Variants in CUL2 observed in about 807,000 individuals in gnomAD.
CUL2 encodes the protein cullin-2.
CUL2 carries 22 observed loss-of-function variants against 110.2 expected under a neutral mutation model. The ratio of observed to expected loss-of-function variants is 0.20; its 90% CI spans 0.14 to 0.28. The LOEUF is 0.28. Ranked by LOEUF, CUL2 falls within the 10% of genes least tolerant of loss-of-function variation. The pLI is 1.00. For synonymous variants in CUL2, 279 were observed against 293.2 expected (o/e 0.95, Z 0.49); for missense variants, 631 against 905.5 (o/e 0.70, Z 3.89).
intron 2 of CUL2, among the ~76,000 whole-genome samples, chr10:35,099,869 GA>G (rs1193302533): frequency 3.9e-5 from 6 of 151,978 alleles, no homozygotes; most frequent in Non-Finnish European, 7.4e-5. Flanking sequence ...AAGAAAAAAA[GA>G]AAAAAATGGA....
chr10:35,029,128 G>T (rs559808140), intron 15 of CUL2, among the ~76,000 whole-genome samples: 2 of 149,802 alleles, frequency 1.3e-5, no homozygotes, highest in African/African-American at 4.9e-5. Context: ...CACGATCTCC[G>T]CTCACTGCAA....
chr10:35,087,643 G>A lies in CUL2; in HGVS notation c.-23+2536C>T, dbSNP rs138137356. On this transcript the variant is annotated intron_variant, in intron 1 of 20. Coordinates refer to ENST00000374749, the MANE Select transcript of CUL2 (RefSeq NM_003591.4). Reference sequence around the variant, plus strand: ...TACACAGCATCATCATCCTCCAGCAGAAGCCAAAAACCCAGAATTGACCCA... The same window carrying A: ...TACACAGCATCATCATCCTCCAGCAAAAGCCAAAAACCCAGAATTGACCCA... Among the ~76,000 whole-genome samples the A allele has an allele frequency of 3.1e-3, 476 of 152,246 alleles. 1 individual carries two copies. The highest frequency in any genetic ancestry group is 6.8e-3 in the Middle Eastern group (2 of 294).
chr10:35,039,125 T>C (rs1407686672), intron 8 of CUL2, 43 bp from the exon 9 acceptor site: 5 of 1,323,646 alleles, frequency 3.8e-6, no homozygotes, highest in East Asian at 2.6e-5. Context: ...AAAGTTTTAC[T>C]ATGAGGAAAA....
At chr10:35,114,977 C>T (rs532950778) in intron 1 of CUL2, among the ~76,000 whole-genome samples, 29 of 147,426 alleles carry the variant, frequency 2.0e-4, no homozygotes, top group Non-Finnish European at 3.8e-4. Flanking sequence ...TTTGGGAGGC[C>T]GAGGTGGGCA....
intron 9 of CUL2, 62 bp from the exon 10 acceptor site, chr10:35,035,358 T>C (rs555116239): frequency 2.4e-5 from 37 of 1,566,946 alleles, no homozygotes; most frequent in African/African-American, 2.3e-4. Flanking sequence ...AGGTAATATA[T>C]GGATCCAAGT....
chr10:35,035,439 A>G (rs563657543), intron 9 of CUL2, 143 bp from the exon 10 acceptor site: 2 of 724,498 alleles, frequency 2.8e-6, no homozygotes, highest in East Asian at 5.5e-5. Context: ...CCTCCCAGCC[A>G]CCCAAGCCCC....
At chr10:35,039,641 G>T (rs1408725729) in intron 8 of CUL2, among the ~76,000 whole-genome samples, 13 of 152,146 alleles carry the variant, frequency 8.5e-5, no homozygotes, top group Non-Finnish European at 1.3e-4. Flanking sequence ...AAGGCAGGTG[G>T]ATCATCTGAG....
At chr10:35,028,549 C>G (rs1239886000) in intron 16 of CUL2, among the ~76,000 whole-genome samples, 1 of 152,124 alleles carries the variant, frequency 6.6e-6, no homozygotes, top group Non-Finnish European at 1.5e-5. Flanking sequence ...TTTAAAACTG[C>G]TTAATAGCAG....
chr10:35,071,425 G>A (rs554518541), intron 1 of CUL2, 86 bp from the exon 2 acceptor site: 25 of 1,241,804 alleles, frequency 2.0e-5, no homozygotes, highest in African/African-American at 1.0e-4. Context: ...TTTGCTTTGA[G>A]ACGGAGTCTC....
chr10:35,116,859 A>T (rs1355882827), intron 1 of CUL2, among the ~76,000 whole-genome samples: 1 of 151,680 alleles, frequency 6.6e-6, no homozygotes, highest in Non-Finnish European at 1.5e-5. Flanking sequence ...CGGGAGGCTG[A>T]GGTGGGAGAA....
At chr10:35,074,104 CT>C (rs779928005) in intron 1 of CUL2, 126 of 1,250,736 alleles carry the variant, frequency 1.0e-4, no homozygotes, top group Non-Finnish European at 1.4e-4. Context: ...ATTCCAAGCT[CT>C]GAGGATACAG....
At chr10:35,022,076 C>T (rs1005289091) in intron 17 of CUL2, among the ~76,000 whole-genome samples, 10 of 151,768 alleles carry the variant, frequency 6.6e-5, no homozygotes, top group Non-Finnish European at 1.5e-4. Context: ...TAACTATGTA[C>T]GTATGTCTGT....
intron 17 of CUL2, 95 bp from the exon 18 acceptor site, chr10:35,016,489 C>T (rs2085036847): frequency 2.1e-6 from 2 of 954,102 alleles, no homozygotes; most frequent in Non-Finnish European, 3.1e-6. Flanking sequence ...AAGAGTGAAC[C>T]AATAATTTTA....
At chr10:35,058,030 G>A (rs184195145) in intron 4 of CUL2, among the ~76,000 whole-genome samples, 67 of 152,228 alleles carry the variant, frequency 4.4e-4, no homozygotes, top group African/African-American at 1.6e-3. Context: ...TCTGGGAGGC[G>A]GATGCTGCAG....
intron 1 of CUL2, among the ~76,000 whole-genome samples, chr10:35,084,928 G>A (rs924152798): frequency 1.3e-5 from 2 of 151,988 alleles, no homozygotes; most frequent in Non-Finnish European, 2.9e-5. Context: ...GACCAGCCTG[G>A]CCAACATGGT....
intron 1 of CUL2, among the ~76,000 whole-genome samples, chr10:35,077,106 A>T (rs2086838865): frequency 6.6e-6 from 1 of 152,194 alleles, no homozygotes; most frequent in Non-Finnish European, 1.5e-5. Flanking sequence ...TCAAGTGTCT[A>T]TCAACTGATA....
At chr10:35,039,296 A>G (rs2085715116) in intron 8 of CUL2, among the ~76,000 whole-genome samples, 1 of 152,258 alleles carries the variant, frequency 6.6e-6, no homozygotes, top group African/African-American at 2.4e-5. Flanking sequence ...CAGTCTTATA[A>G]GCAAGAACTA....
In CUL2 at chr10:35,122,448, A is replaced by G. The variant is rs557001168; in HGVS notation, c.-51+4157T>C. ...TTATAAAACAAAGGGGTTTATTTTG[A>G]CTTCTAAGTTCTCAGATTTCACACA... On this transcript the variant is annotated intron_variant, in intron 1 of 5. Transcript: ENST00000685421. 4.8e-4 allele frequency among the ~76,000 whole-genome samples: 73 copies of G among 152,252 alleles called. No individual in the cohort carries two copies. The South Asian group carries it at 0.015, about 32-fold the overall frequency.
chr10:35,026,571 T>C (rs1337692942), intron 16 of CUL2, among the ~76,000 whole-genome samples: 8 of 152,206 alleles, frequency 5.3e-5, no homozygotes, highest in Non-Finnish European at 1.5e-5. Flanking sequence ...TCTTCAGTAG[T>C]ACTATTTGGT....
Sources: gnomAD v4.1 joint callset for allele counts (sites outside exome capture counted in the v4.1 genomes callset) on GRCh38, gnomAD v4.1.1 for gene constraint, MANE v1.5 for transcripts, NCBI Gene and HGNC (gene_info 2026-07-23, HGNC 2026-07-21) for gene names.